The following TONSL variants were observed in gnomAD, a reference collection of about 807,000 sequenced individuals.
The protein encoded by TONSL is tonsoku-like protein.
Under a neutral mutation model 147.1 loss-of-function variants are expected in TONSL, and 112 were observed. The ratio of observed to expected loss-of-function variants is 0.76; its 90% CI spans 0.65 to 0.89. The LOEUF (loss-of-function observed/expected upper bound fraction) is 0.89. Ranked by LOEUF, TONSL falls within the 40% of genes least tolerant of loss-of-function variation. TONSL has a pLI of 0.00. For synonymous variants in TONSL, 868 were observed against 801.5 expected, an observed-to-expected ratio of 1.08 and a Z score of -1.40; for missense variants, 1,883 against 1,864.6, an observed-to-expected ratio of 1.01 and a Z score of -0.18.
chr8:144,435,544 C>T lies in TONSL; in HGVS notation c.2782G>A (p.Ala928Thr). Residue 928 changes from alanine (A) to threonine (T), a missense_variant, in exon 18 of 26, where the codon GCC becomes ACC. By Grantham distance (58) the Ala-to-Thr change is moderately conservative. Transcript: ENST00000409379. ...SSAAGQPLGP[A>T]PPPPIRVRVQ... ...CGAACCCGGATGGGAGGGGGCGGGG[C>T]CGGACCCTGGCAGGTGAAGGCAGCA... 6.4e-7 allele frequency: 1 copy of T among 1,552,264 alleles called. No individual in the cohort carries two copies. Among genetic ancestry groups the T allele is most frequent in the African/African-American group, 1.4e-5 (1 of 73,374 alleles).
chr8:144,433,402 G>T, intron 22 of TONSL, 186 bp downstream of exon 22: 1 of 620,668 alleles, frequency 1.6e-6, no homozygotes, highest in South Asian at 2.0e-5. Flanking sequence ...AAGGGATGGG[G>T]TCTCACTATG....
rs1823502727 is a variant in TONSL, at chr8:144,437,248, G to C, written c.1654-149C>G. 5.5e-6 allele frequency: 4 copies of C among 731,024 alleles called. No individual in the cohort carries two copies. In the South Asian group the frequency reaches 6.8e-5, roughly 12 times the overall value. 45.3% of individuals were successfully genotyped at this position (731,024 alleles called of 1,614,324 possible). Reference sequence around the variant, plus strand: ...CCCTGCCCTCTCCTCCTCCGGCCTAGGTGTCACCAGTGAAGGACATGCTTC... The same window carrying C: ...CCCTGCCCTCTCCTCCTCCGGCCTACGTGTCACCAGTGAAGGACATGCTTC... On this transcript the variant is annotated intron_variant, in intron 13 of 25. Coordinates refer to ENST00000409379, the MANE Select transcript of TONSL (RefSeq NM_013432.5).
intron 23 of TONSL, among the ~76,000 whole-genome samples, chr8:144,431,430 T>C (rs1823186322): frequency 6.6e-6 from 1 of 152,160 alleles, no homozygotes; most frequent in African/African-American, 2.4e-5. Context: ...AAGATCACCC[T>C]GAGTCCCGGG....
At position 144,440,042 on chromosome 8, in the gene TONSL, C is replaced by T. The variant is rs563710728; in HGVS notation, c.1459G>A (p.Glu487Lys). The T allele has an allele frequency of 4.1e-5, 58 of 1,419,696 alleles. No individual in the cohort carries two copies. In the South Asian group the frequency reaches 4.9e-4, roughly 12 times the overall value. 87.9% of individuals were successfully genotyped at this position (1,419,696 alleles called of 1,614,324 possible). A position where few individuals can be genotyped will look rare whatever the true frequency, so the allele number is the denominator to read the frequency against. ...TAESEALEAG[E>K]VELSEGEDDT... ...TCACCGCCCTCTGAGAGCTCCACCT[C>T]GCCGGCCTCCAGGGCTTCGCTCTCC... Residue 487 changes from glutamate (E) to lysine (K), a missense_variant, in exon 11 of 26, where the codon GAG (glutamate) becomes AAG (lysine). By Grantham distance (56) the Glu-to-Lys change is moderately conservative (BLOSUM62 1). Coordinates refer to ENST00000409379, the MANE Select transcript of TONSL (RefSeq NM_013432.5).
intron 4 of TONSL, 155 bp from the exon 5 acceptor site, chr8:144,442,961 T>G: frequency 8.0e-7 from 1 of 1,247,280 alleles, no homozygotes; most frequent in Non-Finnish European, 1.1e-6. Context: ...ACAGAGTGGA[T>G]AAAGAGCTGA....
In TONSL at chr8:144,436,145, G is replaced by T. The variant is rs776417303; in HGVS notation, c.2288C>A (p.Ser763Ter). 2 of 1,566,706 alleles carry T rather than the reference G, an allele frequency of 1.3e-6. No homozygotes were observed. The highest frequency in any genetic ancestry group is 1.7e-6 in the Non-Finnish European group (2 of 1,162,944). ...ARPSQKRPRC[S>*]ATAQRVAAWT... ...GGCTGCCACCCGTTGTGCTGTGGCC[G>T]AGCACCGAGGCCTCTTCTGGGACGG... is the stretch of plus-strand genomic sequence containing the variant. The change falls in exon 17 of 26, where the codon TCG becomes TAG. Residue 763 changes from serine to a stop codon, truncating the protein, a stop_gained. Transcript: ENST00000409379. LOFTEE classifies it high-confidence loss of function.
Position 144,435,866 on chromosome 8 carries a change from T to C in TONSL, c.2567A>G (p.Asn856Ser). The C allele has an allele frequency of 1.9e-6, 3 of 1,605,776 alleles. No individual in the cohort carries two copies. The highest frequency in any genetic ancestry group is 1.1e-5 in the South Asian group (1 of 90,912). ...RRPRPRGTGD[N>S]RRPSSTSGSD... ...CCCAGAGGTACTACTGGGCCTGCGG[T>C]TGTCTCCAGTGCCCCGGGGGCGGGG... Residue 856 changes from asparagine to serine, a missense_variant, in exon 17 of 26, where the codon AAC (asparagine) becomes AGC (serine). Transcript: ENST00000409379.
At chr8:144,440,315 C>T (rs1394603923) in intron 10 of TONSL, 36 bp downstream of exon 10, 1 of 1,565,634 alleles carries the variant, frequency 6.4e-7, no homozygotes, top group Non-Finnish European at 8.7e-7. Flanking sequence ...GCTGGGCTCA[C>T]CGGGGAGCCA....
Position 144,436,389 on chromosome 8 carries a change from G to C in TONSL, c.2044C>G (p.Pro682Ala). ...DPHSSQAFHT[P>A]SSLLFDPETS... ...TCGGGGTCAAACAGAAGGCTGCTTG[G>C]GGTGTGGAAGGCCTGGGAGCTGTGG... The change falls in exon 17 of 26, where the codon CCA becomes GCA. Residue 682 changes from proline (P) to alanine (A), a missense_variant. Pro to Ala is a conservative substitution (Grantham distance 27). Coordinates refer to ENST00000409379, the MANE Select transcript of TONSL (RefSeq NM_013432.5). 1 of 1,505,820 alleles carries C rather than the reference G, an allele frequency of 6.6e-7. No homozygotes were observed. Among genetic ancestry groups the C allele is most frequent in the Non-Finnish European group, 8.8e-7 (1 of 1,134,106 alleles). The allele number at this position is 1,505,820 out of a possible 1,614,324, so 93.3% of individuals were successfully genotyped here. A position where few individuals can be genotyped will look rare whatever the true frequency, so the allele number is the denominator to read the frequency against.
rs753911923 is a variant in TONSL, at chr8:144,437,029, A to AGAT, written c.1721_1723dup (p.His574dup). Reference sequence around the variant, plus strand: ...GGCTCCTTCTGTCCCTTGCTCACCTAGATGCCCGTAGTTGCAGGCCTCGTG... The same window carrying AGAT: ...GGCTCCTTCTGTCCCTTGCTCACCTAGATGATGCCCGTAGTTGCAGGCCTCGTG... On this transcript the variant is annotated inframe_insertion, in exon 14 of 26. Transcript: ENST00000409379. The AGAT allele has an allele frequency of 6.2e-7, 1 of 1,613,254 alleles. No homozygotes were observed. Among genetic ancestry groups the AGAT allele is most frequent in the African/African-American group, 1.3e-5 (1 of 75,050 alleles).
chr8:144,433,808 G>T, intron 21 of TONSL, 49 bp from the exon 22 acceptor site: 1 of 1,523,220 alleles, frequency 6.6e-7, no homozygotes, highest in Non-Finnish European at 8.8e-7. Context: ...CCCACGGACA[G>T]GGTCCCCCTT....
chr8:144,435,563 G>A lies in TONSL; in HGVS notation c.2776-13C>T. ...GCGGGGCCGGACCCTGGCAGGTGAA[G>A]GCAGCAGGGCTGAGTCAGGAGCCAC... On this transcript the variant is annotated splice_polypyrimidine_tract_variant and intron_variant, in intron 17 of 25. Coordinates refer to ENST00000409379, the MANE Select transcript of TONSL (RefSeq NM_013432.5). 6.4e-7 allele frequency: 1 copy of A among 1,557,934 alleles called. No homozygotes were observed. The highest frequency in any genetic ancestry group is 1.8e-4 in the Middle Eastern group (1 of 5,698).
intron 7 of TONSL, chr8:144,441,613 A>G (rs1554881013): frequency 5.0e-6 from 1 of 200,530 alleles, no homozygotes; most frequent in Non-Finnish European, 1.0e-5. Context: ...ACAACACAAC[A>G]TGGATGGTGC....
Position 144,429,108 on chromosome 8 carries a change from G to T in TONSL, c.*35C>A. The T allele has an allele frequency of 6.7e-7, 1 of 1,491,904 alleles. No homozygotes were observed. Among genetic ancestry groups the T allele is most frequent in the Non-Finnish European group, 8.9e-7 (1 of 1,126,162 alleles). 92.4% of individuals were successfully genotyped at this position (1,491,904 alleles called of 1,614,324 possible). On this transcript the variant is annotated 3_prime_UTR_variant, in exon 26 of 26. Coordinates refer to ENST00000409379, the MANE Select transcript of TONSL (RefSeq NM_013432.5). ...CCGGCCAGCAGCTTCATTTATTAGG[G>T]GCTTCGGTGAGGGTGGGGAAAGGCA...
intron 4 of TONSL, 143 bp from the exon 5 acceptor site, chr8:144,442,949 GCA>G: frequency 7.9e-7 from 1 of 1,273,258 alleles, no homozygotes. Flanking sequence ...GGCAGATGGA[GCA>G]CAGAGTGGAT....
At chr8:144,434,915 T>C in intron 19 of TONSL, 26 bp from the exon 20 acceptor site, 1 of 1,612,818 alleles carries the variant, frequency 6.2e-7, no homozygotes. Flanking sequence ...ATGAGCCACC[T>C]GGGGGCTCCC....
intron 4 of TONSL, 34 bp from the exon 5 acceptor site, chr8:144,442,840 C>A: frequency 6.3e-7 from 1 of 1,595,500 alleles, no homozygotes; most frequent in Non-Finnish European, 8.5e-7. Flanking sequence ...TCAGCCACTT[C>A]CTCCCCACAT....
At chr8:144,444,319 G>A (rs767411745) in intron 1 of TONSL, 44 bp from the exon 2 acceptor site, 6 of 1,335,274 alleles carry the variant, frequency 4.5e-6, no homozygotes, top group South Asian at 3.8e-5. Context: ...GCGGGGTCCG[G>A]GGCCGGGGCC....
intron 3 of TONSL, among the ~76,000 whole-genome samples, 154 bp downstream of exon 3, chr8:144,443,728 C>G (rs946322975): frequency 2.6e-5 from 4 of 152,258 alleles, no homozygotes; most frequent in African/African-American, 9.6e-5. Flanking sequence ...GGGTCCCCAC[C>G]GGAGGACTGG....
Sources: allele counts gnomAD v4.1 joint callset (sites outside exome capture counted in the v4.1 genomes callset), GRCh38; gene constraint gnomAD v4.1.1; transcripts MANE v1.5; gene names NCBI Gene and HGNC (gene_info 2026-07-23, HGNC 2026-07-21).